Variants in PNPLA7 observed in about 807,000 individuals in gnomAD.
The protein encoded by PNPLA7 is patatin like domain 7, lysophospholipase, also known as patatin-like phospholipase domain-containing protein 7.
In PNPLA7, 153 loss-of-function variants were observed where a neutral mutation model predicts 161.7. The ratio of observed to expected loss-of-function variants is 0.95; its 90% CI spans 0.83 to 1.08. The LOEUF (loss-of-function observed/expected upper bound fraction) is 1.08, where lower values mean the gene tolerates loss of function less well. Among genes scored for constraint, PNPLA7 ranks in the 50% least tolerant of loss-of-function variants. The pLI, the probability that PNPLA7 is intolerant of heterozygous loss-of-function variation, is 0.00. For missense variants in PNPLA7, 1,739 were observed against 1,856.6 expected (o/e 0.94, Z 1.16); for synonymous variants, 809 against 782.1 (o/e 1.03, Z -0.57).
intron 8 of PNPLA7, among the ~76,000 whole-genome samples, chr9:137,530,665 C>T (rs1322136135): frequency 6.6e-6 from 1 of 152,182 alleles, no homozygotes; most frequent in Non-Finnish European, 1.5e-5. Flanking sequence ...TGTGGCACTA[C>T]CTTGCCACAG....
chr9:137,473,509 G>A (rs752146152), intron 25 of PNPLA7, among the ~76,000 whole-genome samples: 1 of 152,238 alleles, frequency 6.6e-6, no homozygotes, highest in East Asian at 1.9e-4. Context: ...ATGCCATTAA[G>A]AAAATGAGAA....
At position 137,497,329 on chromosome 9, in the gene PNPLA7, C is replaced by A; in HGVS notation, c.1890-19G>T. 6.6e-7 allele frequency: 1 copy of A among 1,523,884 alleles called. No homozygotes were observed. The highest frequency in any genetic ancestry group is 8.8e-7 in the Non-Finnish European group (1 of 1,131,526). The allele number at this position is 1,523,884 out of a possible 1,614,324, so 94.4% of individuals were successfully genotyped here. A position where few individuals can be genotyped will look rare whatever the true frequency, so the allele number is the denominator to read the frequency against. ...CCCCTGCCTGCGGAAGACACAGAGG[C>A]CCTGCAGCCCTGGGCCCCCAGCCTC... On this transcript the variant is annotated intron_variant, in intron 17 of 34. Coordinates refer to ENST00000406427, the MANE Select transcript of PNPLA7 (RefSeq NM_001098537.3).
At chr9:137,464,795 C>T in intron 26 of PNPLA7, 1 of 313,976 alleles carries the variant, frequency 3.2e-6, no homozygotes. Flanking sequence ...CCTGCCCATG[C>T]CCGTGGCTGG....
rs185067556 is a variant in PNPLA7 at position 137,491,918 on chromosome 9, G to A, written c.2197+1095C>T. 2.8e-4 allele frequency: 276 copies of A among 985,474 alleles called. 1 individual carries two copies. The highest frequency in any genetic ancestry group is 3.4e-4 in the East Asian group (3 of 8,812). 61.0% of individuals were successfully genotyped at this position (985,474 alleles called of 1,614,324 possible). ...GCTGAGAGTGCTGGGCGGATGGGGA[G>A]GCCAGGGAGGCTGTGCTGAGACGGA... is the stretch of plus-strand genomic sequence containing the variant. On this transcript the variant is annotated intron_variant, in intron 20 of 34. Coordinates refer to ENST00000406427, the MANE Select transcript of PNPLA7 (RefSeq NM_001098537.3).
chr9:137,514,385 T>C (rs1316407604), intron 12 of PNPLA7, among the ~76,000 whole-genome samples: 1 of 138,868 alleles, frequency 7.2e-6, no homozygotes, highest in East Asian at 2.2e-4. Flanking sequence ...GCCTGGGCCC[T>C]GTGGCTGGGC....
chr9:137,478,978 G>C (rs939992263), intron 24 of PNPLA7, 78 bp downstream of exon 24: 2 of 1,438,874 alleles, frequency 1.4e-6, no homozygotes, highest in East Asian at 5.1e-5. Flanking sequence ...ATCAGGTGGG[G>C]AATGTGAAGA....
chr9:137,510,562 C>G (rs1244200367), intron 12 of PNPLA7, among the ~76,000 whole-genome samples: 4 of 152,246 alleles, frequency 2.6e-5, no homozygotes, highest in Non-Finnish European at 4.4e-5. Context: ...GACTCACACT[C>G]TTTACCCTGC....
chr9:137,505,901 C>A (rs1833892049), intron 13 of PNPLA7, 82 bp downstream of exon 13: 2 of 1,528,814 alleles, frequency 1.3e-6, no homozygotes, highest in Non-Finnish European at 8.9e-7. Flanking sequence ...GACACCAAAG[C>A]CGGCGGCGCC....
chr9:137,461,664 C>T (rs751092356), intron 32 of PNPLA7, 44 bp from the exon 33 acceptor site: 3 of 1,534,008 alleles, frequency 2.0e-6, no homozygotes, highest in Non-Finnish European at 2.7e-6. Context: ...GGACACCCGC[C>T]TGCCAGTCCC....
intron 20 of PNPLA7, 130 bp from the exon 21 acceptor site, chr9:137,484,866 TCCCC>T: frequency 8.8e-6 from 10 of 1,136,464 alleles, no homozygotes; most frequent in African/African-American, 1.6e-5. Flanking sequence ...CCCTCCCGCC[TCCCC>T]AGTCCTGAGG....
intron 1 of PNPLA7, among the ~76,000 whole-genome samples, chr9:137,548,448 T>C (rs1170647542): frequency 1.3e-5 from 2 of 152,180 alleles, no homozygotes; most frequent in African/African-American, 2.4e-5. Flanking sequence ...CTCCCATCCG[T>C]GCCAGAAAAT....
intron 9 of PNPLA7, 142 bp from the exon 10 acceptor site, chr9:137,521,858 G>A (rs367564391): frequency 2.5e-5 from 15 of 602,866 alleles, no homozygotes; most frequent in Middle Eastern, 3.8e-4. Context: ...GAAAAACCCC[G>A]CAGACTTGAC....
At chr9:137,522,380 C>T (rs534816596) in intron 9 of PNPLA7, among the ~76,000 whole-genome samples, 8 of 149,708 alleles carry the variant, frequency 5.3e-5, no homozygotes, top group Admixed American at 1.3e-4. Context: ...GGCCAAGAGA[C>T]GGGGTTTCAC....
At position 137,501,706 on chromosome 9, in the gene PNPLA7, G is replaced by A. The variant is rs749397100; in HGVS notation, c.1495C>T (p.Arg499Trp). 31 of 1,612,374 alleles carry A rather than the reference G, an allele frequency of 1.9e-5. No individual in the cohort carries two copies. The highest frequency in any genetic ancestry group is 1.4e-4 in the South Asian group (13 of 91,056). Residue 499 changes from arginine to tryptophan, a missense_variant, in exon 15 of 35, where the codon CGG becomes TGG. Arg to Trp is a moderately radical substitution (Grantham distance 101). Transcript: ENST00000406427. ...GCAGGAACGTGCAGAAGCGCCACCC[G>A]GCCATCCAACAGAGATGAGTCCTAA... ...KLEDSSLLDG[R>W]VALLHVPAGT...
Position 137,500,631 on chromosome 9 carries a change from A to AG in PNPLA7, c.1757+59dup. 3 of 1,502,056 alleles carry AG rather than the reference A, an allele frequency of 2.0e-6. No individual in the cohort carries two copies. The highest frequency in any genetic ancestry group is 2.7e-6 in the Non-Finnish European group (3 of 1,096,592). The allele number at this position is 1,502,056 out of a possible 1,614,324, so 93.0% of individuals were successfully genotyped here. Reference sequence around the variant, plus strand: ...CCAGGAAGAGGCCGGCCACGCGGGGAGGGGTCTCAGGGCAGGGGGGGCTGG... The same window carrying AG: ...CCAGGAAGAGGCCGGCCACGCGGGGAGGGGGTCTCAGGGCAGGGGGGGCTGG... On this transcript the variant is annotated intron_variant, in intron 16 of 34. Coordinates refer to ENST00000406427, the MANE Select transcript of PNPLA7 (RefSeq NM_001098537.3). This position sits in a 1 kb window ranked among gnomAD's most constrained non-coding sequence, Gnocchi z 5.5.
At position 137,505,706 on chromosome 9, in the gene PNPLA7, C is replaced by G. The variant is rs1588631371; in HGVS notation, c.1381G>C (p.Glu461Gln). ...EIPSTVSQHS[E>Q]SHTDETLASR... ...GCCAGGGTCTCATCCGTGTGACTCTCTGAGTGCTGGGAGACCGTGGAGGGT... is the reference window on the plus strand; with the variant it reads ...GCCAGGGTCTCATCCGTGTGACTCTGTGAGTGCTGGGAGACCGTGGAGGGT... The change falls in exon 14 of 35, where the codon GAG becomes CAG. Residue 461 changes from glutamate to glutamine, a missense_variant. Glu to Gln is a conservative substitution (Grantham distance 29). This residue lies in a region of PNPLA7 where 481 missense variants were observed against 450.0 expected (regional missense o/e 1.07). Transcript: ENST00000406427. The G allele has an allele frequency of 6.2e-7, 1 of 1,614,136 alleles. No individual in the cohort carries two copies. The highest frequency in any genetic ancestry group is 1.1e-5 in the South Asian group (1 of 91,086).
In PNPLA7 at chr9:137,550,207, C is replaced by G. The variant is rs377724383; in HGVS notation, c.-10G>C. The G allele has an allele frequency of 5.5e-4, 893 of 1,613,030 alleles. 15 individuals carry two copies. The South Asian group carries it at 9.4e-3, about 17-fold the overall frequency. ...CTTTCTCTTCCTCCATGGCCAGAAACAGAAAAAACAGTCAGGGGCGAAAAG... is the reference window on the plus strand; with the variant it reads ...CTTTCTCTTCCTCCATGGCCAGAAAGAGAAAAAACAGTCAGGGGCGAAAAG... On this transcript the variant is annotated 5_prime_UTR_variant, in exon 1 of 35. Coordinates refer to ENST00000406427, the MANE Select transcript of PNPLA7 (RefSeq NM_001098537.3).
rs61746312 is a variant in PNPLA7, at chr9:137,507,004, G to A, written c.1226-921C>T. 3.2e-3 allele frequency among the ~76,000 whole-genome samples: 482 copies of A among 152,356 alleles called. 2 individuals carry two copies. The highest frequency in any genetic ancestry group is 0.011 in the African/African-American group (458 of 41,590). On this transcript the variant is annotated intron_variant, in intron 12 of 34. Coordinates refer to ENST00000406427, the MANE Select transcript of PNPLA7 (RefSeq NM_001098537.3). ...AGATGCCGCAGCCACATGGCGCTGC[G>A]GGAAGGAACCAGGCCCAGGAGCACA...
In PNPLA7 at chr9:137,506,079, GC is replaced by G; in HGVS notation, c.1229del (p.Gly410AlafsTer38). On this transcript the variant is annotated frameshift_variant, in exon 13 of 35. Transcript: ENST00000406427. LOFTEE classifies it high-confidence loss of function. ...GDPDPSAPQGGPGSATSDLGM... is the reference protein window; with the variant it reads ...GDPDPSAPQGXPGSATSDLGM... ...CCAGATCAGAAGTGGCACTGCCTGG[GC>G]CCCCTACACACAGAGGGGACACTCA... is the stretch of plus-strand genomic sequence containing the variant. 6.2e-7 allele frequency: 1 copy of G among 1,611,240 alleles called. No homozygotes were observed. The highest frequency in any genetic ancestry group is 2.2e-5 in the East Asian group (1 of 44,820).
Sources: allele counts gnomAD v4.1 joint callset (sites outside exome capture counted in the v4.1 genomes callset), GRCh38; gene constraint gnomAD v4.1.1; regional missense constraint gnomAD v4.1.1; non-coding constraint Gnocchi (gnomAD v3.1); transcripts MANE v1.5; gene names NCBI Gene and HGNC (gene_info 2026-07-23, HGNC 2026-07-21).